CLIC4: variants seen among roughly 807,000 people sequenced by gnomAD.
CLIC4 encodes CLIC family member 4.
A neutral mutation model predicts 24.6 loss-of-function variants in CLIC4; 13 were observed. That is an observed-to-expected ratio of 0.53 (90% CI 0.34 to 0.84). CLIC4 has a LOEUF of 0.84. Ranked by LOEUF, CLIC4 falls within the 40% of genes least tolerant of loss-of-function variation. The pLI is 0.01. For synonymous variants in CLIC4, 104 were observed against 111.3 expected, an observed-to-expected ratio of 0.93 and a Z score of 0.41; for missense variants, 227 against 301.7, an observed-to-expected ratio of 0.75 and a Z score of 1.83.
At chr1:24,813,884 A>G (rs1639642439) in intron 2 of CLIC4, among the ~76,000 whole-genome samples, 1 of 151,948 alleles carries the variant, frequency 6.6e-6, no homozygotes, top group Admixed American at 6.6e-5. Flanking sequence ...ATGCCTGGCT[A>G]ATTTTTTATG....
intron 4 of CLIC4, among the ~76,000 whole-genome samples, chr1:24,838,494 T>TGG (rs982416470): frequency 6.6e-6 from 1 of 152,152 alleles, no homozygotes; most frequent in Non-Finnish European, 1.5e-5. Context: ...AGAAGAGGTT[T>TGG]GGGGTTAGGA....
At chr1:24,819,518 A>G (rs768351762) in intron 3 of CLIC4, among the ~76,000 whole-genome samples, 36 of 151,528 alleles carry the variant, frequency 2.4e-4, no homozygotes, top group Non-Finnish European at 3.4e-4. Flanking sequence ...GCTCACTGCA[A>G]CCTCTGCCTG....
chr1:24,821,029 A>G (rs1329839500), intron 3 of CLIC4, among the ~76,000 whole-genome samples: 1 of 152,012 alleles, frequency 6.6e-6, no homozygotes, highest in Non-Finnish European at 1.5e-5. Flanking sequence ...ACAAAAAAAT[A>G]CAAAAATTAG....
chr1:24,763,533 C>CAAAAAA (rs33955013), intron 1 of CLIC4, among the ~76,000 whole-genome samples: 1 of 78,938 alleles, frequency 1.3e-5, no homozygotes, highest in Non-Finnish European at 2.2e-5. Context: ...ACTCCGTCTC[C>CAAAAAA]AAAAAAAAAA....
At chr1:24,810,808 G>A (rs778296363) in intron 2 of CLIC4, among the ~76,000 whole-genome samples, 92 of 151,896 alleles carry the variant, frequency 6.1e-4, no homozygotes, top group Non-Finnish European at 1.2e-3. Flanking sequence ...ATTTATGGCC[G>A]GGTACGGTGG....
intron 1 of CLIC4, among the ~76,000 whole-genome samples, chr1:24,782,831 T>C (rs1639221023): frequency 6.6e-6 from 1 of 151,954 alleles, no homozygotes; most frequent in Non-Finnish European, 1.5e-5. Context: ...GTAAAAAAAT[T>C]AGCCAGGCAT....
intron 3 of CLIC4, among the ~76,000 whole-genome samples, chr1:24,820,047 C>T (rs12123926): frequency 0.45 from 39,316 of 87,414 alleles, 11,904 homozygotes; most frequent in Middle Eastern, 0.72. Flanking sequence ...AGCCATACTT[C>T]AAAAAAAAAA....
chr1:24,787,693 G>A (rs1360066471), intron 1 of CLIC4, among the ~76,000 whole-genome samples: 3 of 150,276 alleles, frequency 2.0e-5, no homozygotes, highest in Non-Finnish European at 4.4e-5. Flanking sequence ...CTGCCACCAC[G>A]CCAGGCTAAT....
chr1:24,774,542 TCAG>T (rs1052854502), intron 1 of CLIC4, among the ~76,000 whole-genome samples: 2 of 151,300 alleles, frequency 1.3e-5, no homozygotes, highest in African/African-American at 4.9e-5. Flanking sequence ...GCCTGTAATC[TCAG>T]CACTTTGGGA....
chr1:24,798,990 C>T (rs1223745694), intron 2 of CLIC4, among the ~76,000 whole-genome samples: 3 of 152,250 alleles, frequency 2.0e-5, no homozygotes, highest in African/African-American at 7.2e-5. Flanking sequence ...GATCTCGGCT[C>T]GCTGCAACCT....
chr1:24,815,693 TC>T, intron 3 of CLIC4, among the ~76,000 whole-genome samples: 1 of 152,308 alleles, frequency 6.6e-6, no homozygotes, highest in South Asian at 2.1e-4. Flanking sequence ...GATGGACTCT[TC>T]CTTTCATGAA....
chr1:24,755,660 CT>C (rs1295829551), intron 1 of CLIC4, among the ~76,000 whole-genome samples: 1 of 150,608 alleles, frequency 6.6e-6, no homozygotes, highest in African/African-American at 2.4e-5. Context: ...TATATGGTTT[CT>C]GTTTTTTCCT....
intron 2 of CLIC4, among the ~76,000 whole-genome samples, chr1:24,799,465 C>G (rs1159631189): frequency 6.7e-6 from 1 of 149,888 alleles, no homozygotes; most frequent in Non-Finnish European, 1.5e-5. Context: ...GCTGCCCCGT[C>G]TGAGAAGTGA....
Position 24,766,166 on chromosome 1 carries a change from A to G in CLIC4, c.72+20541A>G, listed in dbSNP as rs191898196. On this transcript the variant is annotated intron_variant, in intron 1 of 5. Coordinates refer to ENST00000374379, the MANE Select transcript of CLIC4 (RefSeq NM_013943.3). ...GGACTATAGACGTGCCACCACGCCC[A>G]GCTAATTTTTGTATTTTTAGTGGAG... 8.6e-5 allele frequency among the ~76,000 whole-genome samples: 13 copies of G among 151,958 alleles called. No individual in the cohort carries two copies. The East Asian group carries it at 2.5e-3, about 29-fold the overall frequency.
chr1:24,819,746 T>A (rs1204482118), intron 3 of CLIC4, among the ~76,000 whole-genome samples: 6 of 135,598 alleles, frequency 4.4e-5, no homozygotes, highest in African/African-American at 1.7e-4. Context: ...ACCATAACTT[T>A]TTTTCTTTTT....
At chr1:24,817,332 C>T (rs1232863805) in intron 3 of CLIC4, among the ~76,000 whole-genome samples, 1 of 151,832 alleles carries the variant, frequency 6.6e-6, no homozygotes, top group Admixed American at 6.5e-5. Flanking sequence ...AGATAACTGG[C>T]TGCATGCAGC....
intron 1 of CLIC4, among the ~76,000 whole-genome samples, chr1:24,779,577 CA>C (rs1639179690): frequency 6.6e-6 from 1 of 152,086 alleles, no homozygotes; most frequent in Non-Finnish European, 1.5e-5. Flanking sequence ...GAAGTATTTC[CA>C]AGATGTAAAT....
chr1:24,750,381 T>G (rs993099759), intron 1 of CLIC4, among the ~76,000 whole-genome samples: 1 of 151,990 alleles, frequency 6.6e-6, no homozygotes, highest in African/African-American at 2.4e-5. Flanking sequence ...TGAGACCTTT[T>G]AGCAAGGGCA....
rs955941585 is a variant in CLIC4, at chr1:24,842,963, A to G, written c.*2026A>G. 2 of 152,180 alleles carry G rather than the reference A, an allele frequency of 1.3e-5. No homozygotes were observed. The highest frequency in any genetic ancestry group is 2.9e-5 in the Non-Finnish European group (2 of 68,020). The allele number at this position is 152,180 out of a possible 1,614,324, so 9.4% of individuals were successfully genotyped here. On this transcript the variant is annotated 3_prime_UTR_variant, in exon 6 of 6. Coordinates refer to ENST00000374379, the MANE Select transcript of CLIC4 (RefSeq NM_013943.3). ...CAGTGAGGTTTGTTCTTTCCAGTGA[A>G]TGGTGGACTGAGTGGTGCGAGGTGG...
Sources: allele counts gnomAD v4.1 joint callset (sites outside exome capture counted in the v4.1 genomes callset), GRCh38; gene constraint gnomAD v4.1.1; transcripts MANE v1.5; gene names NCBI Gene and HGNC (gene_info 2026-07-23, HGNC 2026-07-21).